EBF2: variants seen among roughly 807,000 people sequenced by gnomAD.
EBF2 encodes transcription factor COE2.
EBF2 carries 21 observed loss-of-function variants against 72.8 expected under a neutral mutation model. That is an observed-to-expected ratio of 0.29 (90% confidence interval 0.20 to 0.42). The LOEUF is 0.42. EBF2 is among the 10% of genes least tolerant of loss of function. The pLI is 1.00. For synonymous variants in EBF2, 299 were observed against 274.2 expected (o/e 1.09, Z -0.89); for missense variants, 637 against 731.2 (o/e 0.87, Z 1.49).
intron 10 of EBF2, among the ~76,000 whole-genome samples, chr8:25,881,039 C>T (rs1441522858): frequency 2.0e-5 from 3 of 152,162 alleles, no homozygotes; most frequent in Non-Finnish European, 2.9e-5. Flanking sequence ...TCCACTTCTG[C>T]CTGTCCCCAC....
chr8:25,965,447 T>C (rs889936046), intron 6 of EBF2, among the ~76,000 whole-genome samples: 3 of 152,198 alleles, frequency 2.0e-5, no homozygotes, highest in Non-Finnish European at 4.4e-5. Context: ...CCACTGTGCA[T>C]GGAAATGCTA....
chr8:25,979,196 C>T (rs894445186), intron 6 of EBF2, among the ~76,000 whole-genome samples: 1 of 152,184 alleles, frequency 6.6e-6, no homozygotes, highest in African/African-American at 2.4e-5. Context: ...AGCATTTCTT[C>T]CACGACAGTG....
intron 6 of EBF2, among the ~76,000 whole-genome samples, chr8:25,997,250 A>G (rs1804648494): frequency 6.6e-6 from 1 of 152,034 alleles, no homozygotes; most frequent in South Asian, 2.1e-4. Context: ...TCAGATTATC[A>G]CCATTGTTCA....
At chr8:26,041,902 T>C (rs117001807) in intron 2 of EBF2, among the ~76,000 whole-genome samples, 193 bp downstream of exon 2, 2,333 of 152,164 alleles carry the variant, frequency 0.015, 33 homozygotes, top group Middle Eastern at 0.037. Context: ...CTCCTCCAGC[T>C]CCAGGTTGGG....
intron 6 of EBF2, among the ~76,000 whole-genome samples, chr8:25,984,575 G>A (rs547947114): frequency 2.6e-5 from 4 of 152,174 alleles, no homozygotes; most frequent in East Asian, 1.9e-4. Context: ...CCAGCGACTC[G>A]GGAGGCTGAG....
At chr8:26,000,853 C>T (rs943368467) in intron 6 of EBF2, among the ~76,000 whole-genome samples, 1 of 152,174 alleles carries the variant, frequency 6.6e-6, no homozygotes, top group Non-Finnish European at 1.5e-5. Context: ...AAAATGCCAG[C>T]CGAAGAGCTA....
intron 6 of EBF2, among the ~76,000 whole-genome samples, chr8:26,015,154 G>T (rs1805088181): frequency 6.6e-6 from 1 of 152,122 alleles, no homozygotes; most frequent in Non-Finnish European, 1.5e-5. Context: ...ACCAGGAAAA[G>T]GTCATGGTGC....
rs150102876 is a variant in EBF2 at position 25,867,969 on chromosome 8, G to C, written c.1010-5172C>G. 5.3e-3 allele frequency among the ~76,000 whole-genome samples: 809 copies of C among 152,166 alleles called. 7 individuals carry two copies. Among genetic ancestry groups the C allele is most frequent in the African/African-American group, 0.019 (771 of 41,492 alleles). On this transcript the variant is annotated intron_variant, in intron 10 of 15. Transcript: ENST00000520164. ...TTGTATTTGTTTAAAATTTCTAACC[G>C]ATCTAGAGTTCCCCTCCCCCTCTGC...
intron 6 of EBF2, 187 bp downstream of exon 6, chr8:26,032,898 G>A: frequency 1.7e-6 from 1 of 592,254 alleles, no homozygotes; most frequent in South Asian, 2.1e-5. Flanking sequence ...AGAGACACGT[G>A]TTCCAAAGGA....
intron 15 of EBF2, among the ~76,000 whole-genome samples, chr8:25,847,047 C>T (rs939198857): frequency 4.6e-5 from 7 of 152,194 alleles, no homozygotes; most frequent in South Asian, 2.1e-4. Context: ...CTGGAATCTG[C>T]ATGTCTGGGT....
intron 6 of EBF2, among the ~76,000 whole-genome samples, chr8:25,982,401 G>A (rs1188368961): frequency 6.6e-6 from 1 of 152,168 alleles, no homozygotes; most frequent in African/African-American, 2.4e-5. Context: ...CCCAGCCAGG[G>A]AGCTGTGGCC....
chr8:25,934,967 GC>G (rs2117150061), intron 6 of EBF2, among the ~76,000 whole-genome samples: 1 of 152,298 alleles, frequency 6.6e-6, no homozygotes, highest in Admixed American at 6.5e-5. Context: ...GGAGCACCAA[GC>G]CCACCCCATT....
At chr8:25,845,363 A>C (rs890076673) in intron 15 of EBF2, among the ~76,000 whole-genome samples, 5 of 152,122 alleles carry the variant, frequency 3.3e-5, no homozygotes, top group Non-Finnish European at 7.4e-5. Flanking sequence ...CCTCCTGAGT[A>C]GCTGGGACTA....
At chr8:25,851,398 G>GA (rs5890263) in intron 14 of EBF2, among the ~76,000 whole-genome samples, 73,345 of 151,720 alleles carry the variant, frequency 0.48, 18,895 homozygotes, top group African/African-American at 0.65. Flanking sequence ...ATAATGTTTA[G>GA]AAAAAACACC....
Position 25,992,519 on chromosome 8 carries a change from G to C in EBF2, c.551+40566C>G, listed in dbSNP as rs1204697314. ...TGCGCTTGGTCAGAACCTAGATTAA[G>C]AGAGTGGAGAGGATTCAAGTGTCGT... On this transcript the variant is annotated intron_variant, in intron 6 of 15. Transcript: ENST00000520164. Among the ~76,000 whole-genome samples the C allele has an allele frequency of 3.9e-5, 6 of 152,048 alleles. No homozygotes were observed. The East Asian group carries it at 1.2e-3, about 29-fold the overall frequency.
At chr8:25,851,465 T>A (rs938430381) in intron 14 of EBF2, among the ~76,000 whole-genome samples, 1 of 152,152 alleles carries the variant, frequency 6.6e-6, no homozygotes, top group Non-Finnish European at 1.5e-5. Context: ...CCAAGCATTA[T>A]AATTTCCAAG....
chr8:25,845,896 G>A (rs187393621), intron 15 of EBF2, among the ~76,000 whole-genome samples: 125 of 152,236 alleles, frequency 8.2e-4, no homozygotes, highest in Non-Finnish European at 2.5e-4. Flanking sequence ...TGCTTACTAA[G>A]CTTCCAAGCA....
chr8:25,992,431 G>C (rs1804560264), intron 6 of EBF2, among the ~76,000 whole-genome samples: 2 of 151,154 alleles, frequency 1.3e-5, no homozygotes, highest in Admixed American at 6.6e-5. Flanking sequence ...CACCAGCTCA[G>C]TGGAGCTGAA....
intron 1 of EBF2, among the ~76,000 whole-genome samples, chr8:26,043,488 CT>C (rs1168783561): frequency 1.3e-5 from 2 of 152,230 alleles, no homozygotes; most frequent in Admixed American, 6.5e-5. Flanking sequence ...CCTTATTTCC[CT>C]TAGCTCGCAG....
Sources: allele counts gnomAD v4.1 joint callset (sites outside exome capture counted in the v4.1 genomes callset), GRCh38; gene constraint gnomAD v4.1.1; transcripts MANE v1.5; gene names NCBI Gene and HGNC (gene_info 2026-07-23, HGNC 2026-07-21).